INSL6: variants seen among roughly 807,000 people sequenced by gnomAD.
INSL6 encodes the protein insulin like 6, also known as insulin-like peptide INSL6.
A neutral mutation model predicts 9.4 loss-of-function variants in INSL6; 16 were observed. The observed-to-expected ratio is 1.70, with a 90% CI of 1.15 to 2.59. The LOEUF is 2.59. Among genes scored for constraint, INSL6 ranks in the 30% most tolerant of loss-of-function variants. INSL6 has a pLI of 0.00. For missense variants in INSL6, 391 were observed against 257.3 expected, an observed-to-expected ratio of 1.52 and a Z score of -3.56; for synonymous variants, 154 against 96.9, an observed-to-expected ratio of 1.59 and a Z score of -3.46.
chr9:5,016,427 A>G, the INSL6 span, among the ~76,000 whole-genome samples: 425 of 152,326 alleles, frequency 2.8e-3, no homozygotes, highest in African/African-American at 9.9e-3. Flanking sequence ...AGGTGAGGTG[A>G]GGAATGGTGC....
At chr9:5,053,607 C>T in the INSL6 span, among the ~76,000 whole-genome samples, 5 of 151,894 alleles carry the variant, frequency 3.3e-5, no homozygotes, top group Admixed American at 1.3e-4. Flanking sequence ...GGAACAGAAG[C>T]CAAACTGGAA....
intron 3 of INSL6, chr9:5,128,233 ATT>A (rs1246158378): frequency 8.7e-6 from 2 of 230,928 alleles, no homozygotes; most frequent in Non-Finnish European, 1.7e-5. Context: ...AAGACTTCTG[ATT>A]TTGGGTTGAA....
chr9:4,994,744 C>A, the INSL6 span, among the ~76,000 whole-genome samples: 1 of 152,106 alleles, frequency 6.6e-6, no homozygotes, highest in Non-Finnish European at 1.5e-5. Context: ...TCTGCCAATT[C>A]CCAATTTAAA....
the INSL6 span, chr9:5,094,665 G>C: frequency 6.6e-6 from 1 of 152,064 alleles, no homozygotes; most frequent in Non-Finnish European, 1.5e-5. Context: ...AGCCCCTTTT[G>C]ACTTAACAGA....
chr9:5,169,978 G>C (rs890533687), intron 1 of INSL6, among the ~76,000 whole-genome samples: 1 of 152,122 alleles, frequency 6.6e-6, no homozygotes, highest in African/African-American at 2.4e-5. Flanking sequence ...AATTAACAAA[G>C]ATATTTAGGA....
At chr9:5,082,609 C>T in the INSL6 span, among the ~76,000 whole-genome samples, 1 of 152,364 alleles carries the variant, frequency 6.6e-6, no homozygotes. Flanking sequence ...GGGGGACGGT[C>T]AGGTCTTTCC....
chr9:5,069,935 C>A, the INSL6 span: 1 of 1,595,128 alleles, frequency 6.3e-7, no homozygotes, highest in South Asian at 1.1e-5. Flanking sequence ...ATAAATCAAA[C>A]CTTCTAGTCT....
At chr9:5,047,640 G>A in the INSL6 span, among the ~76,000 whole-genome samples, 3 of 152,166 alleles carry the variant, frequency 2.0e-5, no homozygotes, top group African/African-American at 7.2e-5. Flanking sequence ...AATGAGAAAA[G>A]GTTTTCTTTC....
chr9:5,057,899 A>G, the INSL6 span, among the ~76,000 whole-genome samples: 62 of 152,086 alleles, frequency 4.1e-4, no homozygotes, highest in African/African-American at 1.3e-3. Context: ...TTCTTATTCT[A>G]TGAATTTGAC....
chr9:5,112,767 G>C, the INSL6 span: 2 of 618,470 alleles, frequency 3.2e-6, no homozygotes, highest in East Asian at 7.0e-5. Context: ...AAGGTGTCGC[G>C]CGTGTTCGGA....
At chr9:5,018,329 G>GTTTGT in the INSL6 span, among the ~76,000 whole-genome samples, 1 of 151,936 alleles carries the variant, frequency 6.6e-6, no homozygotes, top group Admixed American at 6.6e-5. Context: ...CTTTTTGTTT[G>GTTTGT]TTTGTTTGTT....
chr9:5,102,853 T>C, the INSL6 span, among the ~76,000 whole-genome samples: 50 of 152,242 alleles, frequency 3.3e-4, 1 homozygote, highest in South Asian at 9.8e-3. Context: ...CTGAGAGATT[T>C]TGTCATTACC....
intron 3 of INSL6, among the ~76,000 whole-genome samples, chr9:5,131,454 T>TTTTTTTTTG (rs1824282070): frequency 6.7e-6 from 1 of 148,676 alleles, no homozygotes; most frequent in East Asian, 1.9e-4. Context: ...TTTTTTTTTT[T>TTTTTTTTTG]GAGACAGAGT....
At chr9:5,057,181 A>C in the INSL6 span, among the ~76,000 whole-genome samples, 1 of 151,874 alleles carries the variant, frequency 6.6e-6, no homozygotes. Flanking sequence ...TTCTTGCTGA[A>C]TTTTATTCAT....
the INSL6 span, chr9:5,113,432 A>C: frequency 1.2e-5 from 1 of 86,510 alleles, no homozygotes; most frequent in African/African-American, 3.2e-5. Flanking sequence ...TTTAAAAAAA[A>C]AAAAAAAAAA....
the INSL6 span, chr9:5,091,656 G>GAGGC: frequency 6.6e-6 from 1 of 152,124 alleles, no homozygotes; most frequent in African/African-American, 2.4e-5. Flanking sequence ...TACAGTAATG[G>GAGGC]AGGCTGAAGT....
chr9:5,125,209 C>T (rs2130860658), intron 3 of INSL6, among the ~76,000 whole-genome samples: 1 of 150,782 alleles, frequency 6.6e-6, no homozygotes, highest in South Asian at 2.1e-4. Flanking sequence ...AAAGTATATA[C>T]AAAGAAGTAT....
the INSL6 span, among the ~76,000 whole-genome samples, chr9:4,999,721 T>G: frequency 1.3e-5 from 2 of 152,234 alleles, no homozygotes; most frequent in African/African-American, 4.8e-5. Flanking sequence ...AGTGCTAGGA[T>G]TACAGGCGTG....
chr9:5,155,510 A>C (rs1824797738), intron 2 of INSL6, among the ~76,000 whole-genome samples: 1 of 151,144 alleles, frequency 6.6e-6, no homozygotes. Context: ...TAGCAGAATA[A>C]ATACATAGAA....
Sources: allele counts gnomAD v4.1 joint callset (sites outside exome capture counted in the v4.1 genomes callset), GRCh38; gene constraint gnomAD v4.1.1; transcripts MANE v1.5; gene names NCBI Gene and HGNC (gene_info 2026-07-23, HGNC 2026-07-21).